DOCK3: variants seen among roughly 807,000 people sequenced by gnomAD.
DOCK3 encodes dedicator of cytokinesis protein 3.
In DOCK3, 60 loss-of-function variants were observed where a neutral mutation model predicts 265.6. The observed-to-expected ratio is 0.23, with a 90% CI of 0.18 to 0.28. The LOEUF (loss-of-function observed/expected upper bound fraction) is 0.28, where lower values mean the gene tolerates loss of function less well. Ranked by LOEUF, DOCK3 falls within the 10% of genes least tolerant of loss-of-function variation. The pLI is 1.00. For missense variants in DOCK3, 1,981 were observed against 2,594.3 expected (o/e 0.76, Z 5.14); for synonymous variants, 881 against 938.0 (o/e 0.94, Z 1.11).
chr3:50,869,830 A>G (rs1305250797), intron 3 of DOCK3, among the ~76,000 whole-genome samples: 1 of 151,990 alleles, frequency 6.6e-6, no homozygotes, highest in Non-Finnish European at 1.5e-5. Flanking sequence ...CTTTTGCTGT[A>G]TTTTTCTTTC....
intron 10 of DOCK3, among the ~76,000 whole-genome samples, chr3:51,150,264 T>C (rs913904438): frequency 6.6e-6 from 1 of 152,202 alleles, no homozygotes; most frequent in Non-Finnish European, 1.5e-5. Flanking sequence ...TTTATCAATT[T>C]TGTTGATCTT....
At chr3:50,960,165 G>A (rs1214256916) in intron 5 of DOCK3, among the ~76,000 whole-genome samples, 2 of 152,068 alleles carry the variant, frequency 1.3e-5, no homozygotes, top group African/African-American at 4.8e-5. Flanking sequence ...GAACATTTGT[G>A]TACAAATCTG....
intron 1 of DOCK3, among the ~76,000 whole-genome samples, chr3:50,729,599 G>A (rs549630469): frequency 4.0e-5 from 6 of 151,568 alleles, no homozygotes; most frequent in African/African-American, 9.7e-5. Context: ...ACAGTGGCTC[G>A]ATCATAGCTC....
intron 3 of DOCK3, among the ~76,000 whole-genome samples, chr3:50,883,142 A>G (rs1006953215): frequency 1.3e-5 from 2 of 152,164 alleles, no homozygotes; most frequent in African/African-American, 4.8e-5. Flanking sequence ...GGGGAGGGAT[A>G]GCATTGGGAG....
At chr3:51,280,824 T>A (rs1470732327) in intron 27 of DOCK3, among the ~76,000 whole-genome samples, 2 of 152,128 alleles carry the variant, frequency 1.3e-5, no homozygotes, top group Non-Finnish European at 2.9e-5. Context: ...AGCCCAGAAA[T>A]AATTTTTTTA....
At position 51,288,347 on chromosome 3, in the gene DOCK3, G is replaced by A. The variant is rs13433759; in HGVS notation, c.2922+8143G>A. ...GCAGAGGTTGCAGTGAGCCAAGATCGTAGCACTGCCCTCCAGCCTAGGTGA... is the reference window on the plus strand; with the variant it reads ...GCAGAGGTTGCAGTGAGCCAAGATCATAGCACTGCCCTCCAGCCTAGGTGA... On this transcript the variant is annotated intron_variant, in intron 27 of 52. Transcript: ENST00000266037. Among the ~76,000 whole-genome samples, 410 of 148,490 alleles carry A rather than the reference G, an allele frequency of 2.8e-3. 1 individual carries two copies. The highest frequency in any genetic ancestry group is 9.7e-3 in the African/African-American group (389 of 40,114).
intron 5 of DOCK3, among the ~76,000 whole-genome samples, chr3:50,949,938 T>G (rs977934528): frequency 9.2e-5 from 14 of 152,064 alleles, no homozygotes; most frequent in Non-Finnish European, 2.1e-4. Flanking sequence ...TATCTCTTTC[T>G]ACACTTTTGT....
intron 1 of DOCK3, among the ~76,000 whole-genome samples, chr3:50,726,727 A>G (rs1056146208): frequency 1.1e-4 from 17 of 152,208 alleles, no homozygotes; most frequent in African/African-American, 3.6e-4. Context: ...CTCTTTACAA[A>G]ACTAGTTTTA....
Position 51,267,409 on chromosome 3 carries a change from A to G in DOCK3, c.2356-3406A>G, listed in dbSNP as rs919263104. Reference sequence around the variant, plus strand: ...TCTTTTTTTTTTTTTTTTGAGATGGAGTTTCACTCTTGTTGCCCAAGCTGG... The same window carrying G: ...TCTTTTTTTTTTTTTTTTGAGATGGGGTTTCACTCTTGTTGCCCAAGCTGG... On this transcript the variant is annotated intron_variant, in intron 23 of 52. Coordinates refer to ENST00000266037, the MANE Select transcript of DOCK3 (RefSeq NM_004947.5). 7.0e-5 allele frequency among the ~76,000 whole-genome samples: 9 copies of G among 129,172 alleles called. No homozygotes were observed. In the South Asian group the frequency reaches 1.7e-3, roughly 24 times the overall value. 84.7% of individuals were successfully genotyped at this position (129,172 alleles called of 152,430 possible). A position where few individuals can be genotyped will look rare whatever the true frequency, so the allele number is the denominator to read the frequency against.
At chr3:51,081,856 A>G (rs899546308) in intron 7 of DOCK3, among the ~76,000 whole-genome samples, 2 of 147,972 alleles carry the variant, frequency 1.4e-5, no homozygotes, top group East Asian at 2.0e-4. Context: ...AGATCGCGCC[A>G]CTGGAATCTA....
chr3:50,879,719 C>G (rs1026162643), intron 3 of DOCK3, among the ~76,000 whole-genome samples: 1 of 152,114 alleles, frequency 6.6e-6, no homozygotes, highest in Non-Finnish European at 1.5e-5. Flanking sequence ...TTAGACAGAT[C>G]AACGAGACAG....
At position 51,227,454 on chromosome 3, in the gene DOCK3, G is replaced by T; in HGVS notation, c.1540+9G>T. On this transcript the variant is annotated intron_variant, in intron 16 of 52. Transcript: ENST00000266037. ...GTTCAGACATTGTTCCAGTGAGTTAGACTTCCCCCCCTCCACATTCCCTTG... is the reference window on the plus strand; with the variant it reads ...GTTCAGACATTGTTCCAGTGAGTTATACTTCCCCCCCTCCACATTCCCTTG... The T allele has an allele frequency of 6.2e-7, 1 of 1,613,628 alleles. No individual in the cohort carries two copies. Among genetic ancestry groups the T allele is most frequent in the Non-Finnish European group, 8.5e-7 (1 of 1,179,670 alleles).
intron 5 of DOCK3, among the ~76,000 whole-genome samples, chr3:50,979,878 A>G (rs1395000452): frequency 2.0e-5 from 3 of 152,114 alleles, no homozygotes; most frequent in African/African-American, 4.8e-5. Context: ...TTTTCTATAT[A>G]TGTAAGGTTA....
intron 49 of DOCK3, among the ~76,000 whole-genome samples, chr3:51,370,682 T>C (rs961431301): frequency 4.6e-5 from 7 of 152,208 alleles, no homozygotes; most frequent in African/African-American, 9.7e-5. Context: ...TGTCTGGAAA[T>C]AACTCATTTT....
At chr3:51,153,229 G>A (rs1265518917) in intron 10 of DOCK3, among the ~76,000 whole-genome samples, 2 of 152,224 alleles carry the variant, frequency 1.3e-5, no homozygotes, top group Admixed American at 6.5e-5. Context: ...TGCCCGCTAC[G>A]CTGCTGCCTC....
chr3:50,799,741 T>G (rs1429970130), intron 2 of DOCK3, among the ~76,000 whole-genome samples: 1 of 152,192 alleles, frequency 6.6e-6, no homozygotes, highest in African/African-American at 2.4e-5. Context: ...CATCTAGTGC[T>G]ATGTTGAATA....
At chr3:51,110,376 C>G (rs4267675) in intron 9 of DOCK3, among the ~76,000 whole-genome samples, 2 of 151,946 alleles carry the variant, frequency 1.3e-5, no homozygotes, top group Non-Finnish European at 2.9e-5. Flanking sequence ...ACCACCACCA[C>G]CAACAACAAC....
intron 3 of DOCK3, among the ~76,000 whole-genome samples, chr3:50,888,720 A>G (rs1468553191): frequency 2.6e-5 from 4 of 152,158 alleles, no homozygotes; most frequent in Admixed American, 6.6e-5. Flanking sequence ...ATCTACAACT[A>G]TCTGATCTTT....
intron 1 of DOCK3, among the ~76,000 whole-genome samples, chr3:50,744,127 T>G (rs2108257431): frequency 6.6e-6 from 1 of 152,306 alleles, no homozygotes; most frequent in East Asian, 1.9e-4. Flanking sequence ...AGGTTAAAAT[T>G]GTTTGTATTT....
Sources: gnomAD v4.1 joint callset for allele counts (sites outside exome capture counted in the v4.1 genomes callset) on GRCh38, gnomAD v4.1.1 for gene constraint, MANE v1.5 for transcripts, NCBI Gene and HGNC (gene_info 2026-07-23, HGNC 2026-07-21) for gene names.